The following RAB5A variants were observed in gnomAD, a reference collection of about 807,000 sequenced individuals.
The protein encoded by RAB5A is ras-related protein Rab-5A.
A neutral mutation model predicts 25.7 loss-of-function variants in RAB5A; 8 were observed. The ratio of observed to expected loss-of-function variants is 0.31; its 90% CI spans 0.18 to 0.56. The LOEUF (loss-of-function observed/expected upper bound fraction) is 0.56, where lower values mean the gene tolerates loss of function less well. RAB5A is among the 20% of genes least tolerant of loss of function. The pLI is 0.91. For missense variants in RAB5A, 192 were observed against 259.7 expected, an observed-to-expected ratio of 0.74 and a Z score of 1.79; for synonymous variants, 98 against 89.8, an observed-to-expected ratio of 1.09 and a Z score of -0.52.
chr3:19,955,729 A>G (rs1238653482), intron 2 of RAB5A, among the ~76,000 whole-genome samples: 9 of 152,002 alleles, frequency 5.9e-5, no homozygotes, highest in Non-Finnish European at 1.3e-4. Flanking sequence ...TGTCTCTGCT[A>G]AAAATACAAA....
chr3:19,969,989 ACGGGTTTT>A (rs1559490420), intron 2 of RAB5A, among the ~76,000 whole-genome samples: 46 of 146,378 alleles, frequency 3.1e-4, no homozygotes, highest in African/African-American at 1.1e-3. Flanking sequence ...TTTAGTAGAG[ACGGGTTTT>A]CACCATGTTG....
intron 2 of RAB5A, among the ~76,000 whole-genome samples, chr3:19,953,526 G>GC (rs1696455737): frequency 6.6e-6 from 1 of 150,822 alleles, no homozygotes; most frequent in Admixed American, 6.7e-5. Context: ...TCATGCCTCA[G>GC]CCCCCCAAGT....
Position 19,954,646 on chromosome 3 carries a change from C to T in RAB5A, c.163+3585C>T, listed in dbSNP as rs564626236. Reference sequence around the variant, plus strand: ...CAGCCTGGCCAACATAGCAAAACCCCGTCTTTACAAAAAATACGAAAATTA... The same window carrying T: ...CAGCCTGGCCAACATAGCAAAACCCTGTCTTTACAAAAAATACGAAAATTA... On this transcript the variant is annotated intron_variant, in intron 2 of 5. Coordinates refer to ENST00000273047, the MANE Select transcript of RAB5A (RefSeq NM_004162.5). Among the ~76,000 whole-genome samples, 19 of 152,110 alleles carry T rather than the reference C, an allele frequency of 1.2e-4. No individual in the cohort carries two copies. The South Asian group carries it at 3.3e-3, about 27-fold the overall frequency.
At chr3:19,982,571 C>G (rs576107998) in intron 5 of RAB5A, among the ~76,000 whole-genome samples, 1 of 151,982 alleles carries the variant, frequency 6.6e-6, no homozygotes, top group African/African-American at 2.4e-5. Context: ...ACTAAGCGGT[C>G]GAGCATGGTG....
chr3:19,985,165 A>G lies in RAB5A; in HGVS notation c.*1342A>G, dbSNP rs1185460754. ...GGTGCTCAGGTTGGAATAAAGTGGTATAAAAAGCAAGTATCGGCTTTTCTC... is the reference window on the plus strand; with the variant it reads ...GGTGCTCAGGTTGGAATAAAGTGGTGTAAAAAGCAAGTATCGGCTTTTCTC... On this transcript the variant is annotated 3_prime_UTR_variant, in exon 6 of 6. Coordinates refer to ENST00000273047, the MANE Select transcript of RAB5A (RefSeq NM_004162.5). 17 of 487,452 alleles carry G rather than the reference A, an allele frequency of 3.5e-5. No individual in the cohort carries two copies. The highest frequency in any genetic ancestry group is 6.1e-5 in the Non-Finnish European group (17 of 280,324). The allele number at this position is 487,452 out of a possible 1,614,324, so 30.2% of individuals were successfully genotyped here.
At chr3:19,981,631 A>G (rs550281014) in intron 5 of RAB5A, among the ~76,000 whole-genome samples, 25 of 152,122 alleles carry the variant, frequency 1.6e-4, no homozygotes, top group Admixed American at 1.3e-3. Flanking sequence ...AAAAAATCAT[A>G]AATCAAAAAC....
intron 4 of RAB5A, among the ~76,000 whole-genome samples, chr3:19,977,733 T>C (rs1696848590): frequency 6.6e-6 from 1 of 152,204 alleles, no homozygotes; most frequent in Admixed American, 6.5e-5. Flanking sequence ...GATCATTGGT[T>C]ACCCCTCACA....
At chr3:19,961,436 A>C (rs1243677411) in intron 2 of RAB5A, among the ~76,000 whole-genome samples, 1 of 152,184 alleles carries the variant, frequency 6.6e-6, no homozygotes, top group Non-Finnish European at 1.5e-5. Context: ...TACACATGAC[A>C]AGTGTTCTGT....
chr3:19,967,666 C>T (rs1286729269), intron 2 of RAB5A, among the ~76,000 whole-genome samples: 1 of 152,012 alleles, frequency 6.6e-6, no homozygotes, highest in Non-Finnish European at 1.5e-5. Flanking sequence ...TCTTGTTAGG[C>T]TTTTGGAATA....
chr3:19,953,193 G>C (rs1020162837), intron 2 of RAB5A, among the ~76,000 whole-genome samples: 1 of 152,054 alleles, frequency 6.6e-6, no homozygotes, highest in African/African-American at 2.4e-5. Flanking sequence ...TTTTCCTAAT[G>C]ATAGCTCAAG....
chr3:19,970,438 A>G, intron 2 of RAB5A: 1 of 399,002 alleles, frequency 2.5e-6, no homozygotes, highest in Non-Finnish European at 5.0e-6. Flanking sequence ...GCTTGCTGCC[A>G]GGCTTGCAAA....
chr3:19,951,705 T>G lies in RAB5A; in HGVS notation c.163+644T>G, dbSNP rs910818976. On this transcript the variant is annotated intron_variant, in intron 2 of 5. Coordinates refer to ENST00000273047, the MANE Select transcript of RAB5A (RefSeq NM_004162.5). Reference sequence around the variant, plus strand: ...GCATGCCACCATGCCAGGCAAGTTTTTTTTTTTTTTTTTTAAGAGTCAGAG... The same window carrying G: ...GCATGCCACCATGCCAGGCAAGTTTGTTTTTTTTTTTTTTAAGAGTCAGAG... 1.3e-4 allele frequency among the ~76,000 whole-genome samples: 19 copies of G among 145,112 alleles called. No homozygotes were observed. The East Asian group carries it at 3.5e-3, about 27-fold the overall frequency.
chr3:19,975,575 G>T, intron 2 of RAB5A, 26 bp from the exon 3 acceptor site: 1 of 1,600,336 alleles, frequency 6.2e-7, no homozygotes, highest in South Asian at 1.1e-5. Flanking sequence ...AAAAATGATT[G>T]ACTTATTGTA....
At chr3:19,967,383 G>A (rs962787220) in intron 2 of RAB5A, among the ~76,000 whole-genome samples, 10 of 152,140 alleles carry the variant, frequency 6.6e-5, no homozygotes, top group Admixed American at 2.6e-4. Flanking sequence ...GACCTCGGGT[G>A]ATCCACCCAC....
At chr3:19,975,552 A>C in intron 2 of RAB5A, 49 bp from the exon 3 acceptor site, 1 of 1,578,018 alleles carries the variant, frequency 6.3e-7, no homozygotes, top group Non-Finnish European at 8.6e-7. Context: ...CTATATTATG[A>C]AAACATTTGG....
At chr3:19,970,358 G>C (rs143351773) in intron 2 of RAB5A, among the ~76,000 whole-genome samples, 113 of 152,298 alleles carry the variant, frequency 7.4e-4, no homozygotes, top group African/African-American at 2.6e-3. Flanking sequence ...TAAAGCTTCA[G>C]CTATTCTCAC....
At chr3:19,955,665 G>A (rs1441978584) in intron 2 of RAB5A, among the ~76,000 whole-genome samples, 1 of 151,934 alleles carries the variant, frequency 6.6e-6, no homozygotes, top group African/African-American at 2.4e-5. Flanking sequence ...AGGCTGAGGC[G>A]GGCGGATCAC....
At chr3:19,951,753 T>G (rs1696428016) in intron 2 of RAB5A, among the ~76,000 whole-genome samples, 1 of 149,244 alleles carries the variant, frequency 6.7e-6, no homozygotes, top group Non-Finnish European at 1.5e-5. Flanking sequence ...TCCAGGTTGG[T>G]CTTGAACTCC....
At chr3:19,959,069 G>T (rs6801234) in intron 2 of RAB5A, among the ~76,000 whole-genome samples, 31,126 of 152,050 alleles carry the variant, frequency 0.2, 3,812 homozygotes, top group African/African-American at 0.34. Context: ...GAATCATTAT[G>T]AGCATCAGTT....
Sources: allele counts gnomAD v4.1 joint callset (sites outside exome capture counted in the v4.1 genomes callset), GRCh38; gene constraint gnomAD v4.1.1; transcripts MANE v1.5; gene names NCBI Gene and HGNC (gene_info 2026-07-23, HGNC 2026-07-21).